Variants in CSNK1G1 observed in about 807,000 individuals in gnomAD.
CSNK1G1 encodes the protein casein kinase I isoform gamma-1.
CSNK1G1 carries 22 observed loss-of-function variants against 59.6 expected under a neutral mutation model. The observed-to-expected ratio is 0.37, with a 90% confidence interval of 0.26 to 0.53. CSNK1G1 has a LOEUF of 0.53. Among genes scored for constraint, CSNK1G1 ranks in the 20% least tolerant of loss-of-function variants. The probability of loss-of-function intolerance (pLI) is 0.89; values close to 1 mark genes in which losing one functional copy is unlikely to be tolerated. For missense variants in CSNK1G1, 384 were observed against 519.5 expected (o/e 0.74, Z 2.54); for synonymous variants, 179 against 177.1 (o/e 1.01, Z -0.08).
intron 2 of CSNK1G1, among the ~76,000 whole-genome samples, chr15:64,259,745 C>G (rs1203403926): frequency 6.6e-6 from 1 of 152,134 alleles, no homozygotes; most frequent in Non-Finnish European, 1.5e-5. Flanking sequence ...CCCAAACCTA[C>G]TTTTGGAGAA....
intron 2 of CSNK1G1, among the ~76,000 whole-genome samples, chr15:64,288,768 T>G (rs1894569995): frequency 6.6e-6 from 1 of 152,116 alleles, no homozygotes. Flanking sequence ...TCAGACAGTT[T>G]TTTCCTTAGG....
At chr15:64,290,418 C>T (rs1894674488) in intron 2 of CSNK1G1, among the ~76,000 whole-genome samples, 1 of 152,004 alleles carries the variant, frequency 6.6e-6, no homozygotes, top group African/African-American at 2.4e-5. Flanking sequence ...TAAAATTTCA[C>T]GTTTTTTGCA....
At chr15:64,314,639 A>T (rs1226490135) in intron 1 of CSNK1G1, among the ~76,000 whole-genome samples, 1 of 150,944 alleles carries the variant, frequency 6.6e-6, no homozygotes, top group Non-Finnish European at 1.5e-5. Flanking sequence ...CACTTTCTCA[A>T]CCCTCCAGGC....
chr15:64,199,250 C>CAAAAAAAAAA (rs56819260), intron 10 of CSNK1G1, among the ~76,000 whole-genome samples: 33 of 52,322 alleles, frequency 6.3e-4, no homozygotes, highest in Middle Eastern at 0.011. Context: ...AATCTTTTCT[C>CAAAAAAAAAA]AAAAAAAAAA....
At chr15:64,277,856 A>G (rs1450408393) in intron 2 of CSNK1G1, among the ~76,000 whole-genome samples, 2 of 136,692 alleles carry the variant, frequency 1.5e-5, no homozygotes, top group Non-Finnish European at 3.1e-5. Flanking sequence ...TAATAATAAT[A>G]TTGATATATT....
chr15:64,186,909 T>C lies in CSNK1G1; in HGVS notation c.1108-6455A>G, dbSNP rs560607152. Reference sequence around the variant, plus strand: ...CGTGATCTCGGCTCACTGCAACCTCTGCCTCCCAGGTTCAAGCGTTCTCCT... The same window carrying C: ...CGTGATCTCGGCTCACTGCAACCTCCGCCTCCCAGGTTCAAGCGTTCTCCT... On this transcript the variant is annotated intron_variant, in intron 10 of 11. Coordinates refer to ENST00000303052, the MANE Select transcript of CSNK1G1 (RefSeq NM_022048.5). 8.5e-5 allele frequency among the ~76,000 whole-genome samples: 13 copies of C among 152,158 alleles called. No individual in the cohort carries two copies. In the South Asian group the frequency reaches 2.7e-3, roughly 32 times the overall value.
intron 10 of CSNK1G1, among the ~76,000 whole-genome samples, chr15:64,185,424 G>A (rs1281172223): frequency 6.6e-6 from 1 of 152,328 alleles, no homozygotes; most frequent in South Asian, 2.1e-4. Flanking sequence ...CAGCAGAGCT[G>A]AACATAGTAT....
At chr15:64,316,108 C>T (rs1417567421) in intron 1 of CSNK1G1, among the ~76,000 whole-genome samples, 1 of 152,144 alleles carries the variant, frequency 6.6e-6, no homozygotes, top group Non-Finnish European at 1.5e-5. Flanking sequence ...CTCATGGCAG[C>T]CTTGAACTCC....
intron 2 of CSNK1G1, among the ~76,000 whole-genome samples, chr15:64,285,629 T>G (rs1019699155): frequency 3.3e-5 from 5 of 152,172 alleles, no homozygotes; most frequent in African/African-American, 1.2e-4. Flanking sequence ...TAATCCAAAC[T>G]ACCTGGAATA....
At chr15:64,330,133 C>G (rs1223981101) in intron 1 of CSNK1G1, among the ~76,000 whole-genome samples, 1 of 102,846 alleles carries the variant, frequency 9.7e-6, no homozygotes, top group East Asian at 3.1e-4. Flanking sequence ...TGAAACTATT[C>G]CAATCAATAG....
chr15:64,272,558 A>G (rs921395390), intron 2 of CSNK1G1, among the ~76,000 whole-genome samples: 1 of 152,096 alleles, frequency 6.6e-6, no homozygotes, highest in Non-Finnish European at 1.5e-5. Context: ...GCCTGTTTAC[A>G]TTCAAGGCTA....
chr15:64,276,809 T>TA (rs1432525211), intron 2 of CSNK1G1, among the ~76,000 whole-genome samples: 1 of 151,772 alleles, frequency 6.6e-6, no homozygotes, highest in Non-Finnish European at 1.5e-5. Context: ...TAGCTGGTGG[T>TA]AGTGGCGGGC....
chr15:64,216,479 C>T lies in CSNK1G1; in HGVS notation c.444+83G>A, dbSNP rs570616054. The T allele has an allele frequency of 4.3e-5, 58 of 1,349,606 alleles. No individual in the cohort carries two copies. Among genetic ancestry groups the T allele is most frequent in the Non-Finnish European group, 4.3e-5 (41 of 962,114 alleles). The allele number at this position is 1,349,606 out of a possible 1,614,324, so 83.6% of individuals were successfully genotyped here. ...AGTACTAATTCTTGATGTGTTGCTA[C>T]GGCTAGTAAATCACCAAAAGGCCCA... On this transcript the variant is annotated intron_variant, in intron 5 of 11. Transcript: ENST00000303052. This position sits in a 1 kb window ranked among gnomAD's most constrained non-coding sequence, Gnocchi z 4.6.
At chr15:64,341,433 C>T (rs539950427) in intron 1 of CSNK1G1, among the ~76,000 whole-genome samples, 57 of 151,978 alleles carry the variant, frequency 3.8e-4, no homozygotes, top group Non-Finnish European at 6.5e-4. Context: ...CCACAGTGCC[C>T]GGCCTGAAAT....
chr15:64,352,447 C>CTTCTTTTTTTTTTTTTTTTTTTTTTTT lies in CSNK1G1; in HGVS notation c.-225+3540_-225+3541insAAAAAAAAAAAAAAAAAAAAAAAAGAA. ...ATCACAAAACATAATTTGAATTCTTCTTTTTTTTTTTTTTTTTTTGAGATG... is the reference window on the plus strand; with the variant it reads ...ATCACAAAACATAATTTGAATTCTTCTTCTTTTTTTTTTTTTTTTTTTTTTTTTTTTTTTTTTTTTTTTTTTGAGATG... On this transcript the variant is annotated intron_variant, in intron 1 of 11. Transcript: ENST00000303052. 7.8e-4 allele frequency among the ~76,000 whole-genome samples: 70 copies of CTTCTTTTTTTTTTTTTTTTTTTTTTTT among 89,430 alleles called. 1 individual carries two copies. The highest frequency in any genetic ancestry group is 1.1e-3 in the Non-Finnish European group (55 of 49,076). 58.7% of individuals were successfully genotyped at this position (89,430 alleles called of 152,430 possible). A position where few individuals can be genotyped will look rare whatever the true frequency, so the allele number is the denominator to read the frequency against.
chr15:64,332,731 A>C (rs1205707857), intron 1 of CSNK1G1, among the ~76,000 whole-genome samples: 1 of 148,732 alleles, frequency 6.7e-6, no homozygotes, highest in Non-Finnish European at 1.5e-5. Flanking sequence ...TTTAAAAAAA[A>C]ACAAAAACAA....
At chr15:64,238,541 A>G (rs867977800) in intron 4 of CSNK1G1, among the ~76,000 whole-genome samples, 2 of 134,906 alleles carry the variant, frequency 1.5e-5, no homozygotes, top group African/African-American at 3.0e-5. Context: ...ATATATATAT[A>G]TATGAAAAAA....
intron 11 of CSNK1G1, among the ~76,000 whole-genome samples, 153 bp from the exon 12 acceptor site, chr15:64,172,138 T>G (rs1488338483): frequency 6.6e-6 from 1 of 152,222 alleles, no homozygotes; most frequent in Non-Finnish European, 1.5e-5. Context: ...CTGGAGGCAG[T>G]GGGCAGTGTC....
rs542120880 is a variant in CSNK1G1 at position 64,200,160 on chromosome 15, G to A, written c.1107+2922C>T. Among the ~76,000 whole-genome samples, 6 of 151,900 alleles carry A rather than the reference G, an allele frequency of 3.9e-5. No homozygotes were observed. The East Asian group carries it at 5.8e-4, about 15-fold the overall frequency. ...CTCAGGAAGCTGAGGCAGAAGAATC[G>A]CTTGAACTCAGGAGGCGGAGGTTGC... On this transcript the variant is annotated intron_variant, in intron 10 of 11. Transcript: ENST00000303052. This position sits in a 1 kb window ranked among gnomAD's most constrained non-coding sequence, Gnocchi z 4.3.
Sources: allele counts gnomAD v4.1 joint callset (sites outside exome capture counted in the v4.1 genomes callset), GRCh38; gene constraint gnomAD v4.1.1; non-coding constraint Gnocchi (gnomAD v3.1); transcripts MANE v1.5; gene names NCBI Gene and HGNC (gene_info 2026-07-23, HGNC 2026-07-21).